The following ATP8B4 variants were observed in gnomAD, a reference collection of about 807,000 sequenced individuals.
ATP8B4 encodes the protein ATPase phospholipid transporting 8B4 (putative).
Under a neutral mutation model 145.6 loss-of-function variants are expected in ATP8B4, and 133 were observed. The ratio of observed to expected loss-of-function variants is 0.91; its 90% confidence interval spans 0.79 to 1.05. ATP8B4 has a LOEUF of 1.05. Among genes scored for constraint, ATP8B4 ranks in the 50% least tolerant of loss-of-function variants. The pLI is 0.00. For synonymous variants in ATP8B4, 507 were observed against 492.9 expected (o/e 1.03, Z -0.38); for missense variants, 1,458 against 1,425.2 (o/e 1.02, Z -0.37).
Position 49,866,202 on chromosome 15 carries a change from G to A in ATP8B4, c.3166+144C>T, listed in dbSNP as rs141650631. ...AGCTTTTAGAGCCACTTTTAAACTC[G>A]GAAGCCTTCAGATGCCTGGCTCAAA... On this transcript the variant is annotated intron_variant, in intron 26 of 27. Coordinates refer to ENST00000284509, the MANE Select transcript of ATP8B4 (RefSeq NM_024837.4). 299 of 1,169,778 alleles carry A rather than the reference G, an allele frequency of 2.6e-4. 1 individual carries two copies. In the African/African-American group the frequency reaches 2.8e-3, roughly 11 times the overall value. 72.5% of individuals were successfully genotyped at this position (1,169,778 alleles called of 1,614,324 possible). A position where few individuals can be genotyped will look rare whatever the true frequency, so the allele number is the denominator to read the frequency against.
chr15:49,863,939 T>G (rs1275873622), intron 26 of ATP8B4, among the ~76,000 whole-genome samples: 1 of 152,212 alleles, frequency 6.6e-6, no homozygotes, highest in East Asian at 1.9e-4. Context: ...CACAAATTAC[T>G]TTCTCCAGTT....
intron 9 of ATP8B4, 143 bp downstream of exon 9, chr15:49,996,534 G>A (rs528626393): frequency 1.3e-4 from 84 of 629,550 alleles, no homozygotes; most frequent in African/African-American, 8.7e-4. Flanking sequence ...TTTAGCGTGC[G>A]AAGAAATTAC....
intron 23 of ATP8B4, 179 bp from the exon 24 acceptor site, chr15:49,879,638 G>C: frequency 3.5e-6 from 2 of 574,072 alleles, no homozygotes; most frequent in Non-Finnish European, 6.2e-6. Context: ...TGGGATACTA[G>C]ATCTCTCTAA....
chr15:49,924,398 C>T (rs1194815165), intron 16 of ATP8B4, among the ~76,000 whole-genome samples: 1 of 152,174 alleles, frequency 6.6e-6, no homozygotes, highest in Non-Finnish European at 1.5e-5. Flanking sequence ...GTCACAACTT[C>T]ATAATCTGAA....
At chr15:50,048,149 G>C (rs1392308471) in intron 3 of ATP8B4, among the ~76,000 whole-genome samples, 1 of 152,142 alleles carries the variant, frequency 6.6e-6, no homozygotes, top group Non-Finnish European at 1.5e-5. Context: ...GAGCATGTTA[G>C]AGTGGGTGGA....
intron 7 of ATP8B4, among the ~76,000 whole-genome samples, chr15:50,004,670 G>T (rs1331613020): frequency 6.6e-6 from 1 of 152,188 alleles, no homozygotes; most frequent in Non-Finnish European, 1.5e-5. Context: ...TGTAACGCAG[G>T]TCTTATTGTT....
chr15:49,914,517 A>T (rs2153448955), intron 20 of ATP8B4, among the ~76,000 whole-genome samples: 1 of 152,252 alleles, frequency 6.6e-6, no homozygotes, highest in African/African-American at 2.4e-5. Flanking sequence ...AGCAAAGGAA[A>T]CAATCAACAG....
chr15:49,909,998 A>G (rs2039064002), intron 20 of ATP8B4, among the ~76,000 whole-genome samples: 1 of 152,188 alleles, frequency 6.6e-6, no homozygotes, highest in Non-Finnish European at 1.5e-5. Context: ...GATTCCAATG[A>G]ATAGGAAATT....
chr15:50,138,969 A>G (rs1262114697), intron 1 of ATP8B4, among the ~76,000 whole-genome samples: 1 of 152,228 alleles, frequency 6.6e-6, no homozygotes, highest in East Asian at 1.9e-4. Context: ...GGAAAAAACA[A>G]TGCTTTTACA....
At chr15:50,014,147 G>A (rs1005272820) in intron 6 of ATP8B4, among the ~76,000 whole-genome samples, 15 of 152,270 alleles carry the variant, frequency 9.9e-5, no homozygotes, top group African/African-American at 3.4e-4. Context: ...CTGAAAAGGG[G>A]ATTTCCTCAC....
chr15:50,121,208 T>C (rs1372617223), upstream of ATP8B4, among the ~76,000 whole-genome samples: 1 of 152,186 alleles, frequency 6.6e-6, no homozygotes, highest in East Asian at 1.9e-4. Context: ...GTTGAACTCC[T>C]GGTGTCCATA....
Position 49,920,315 on chromosome 15 carries a change from C to G in ATP8B4, c.1854G>C (p.Ala618=). The change falls in exon 18 of 28, where the codon GCG becomes GCC. Residue 618 remains alanine, a synonymous_variant. Transcript: ENST00000284509. ...CATCCCTCTCTTCTGTGGCAGCATTCGCATCTTCAAGCATCTTATGCCACT... is the reference window on the plus strand; with the variant it reads ...CATCCCTCTCTTCTGTGGCAGCATTGGCATCTTCAAGCATCTTATGCCACT... ...FKEWHKMLED[A]NAATEERDER... 1.2e-6 allele frequency: 2 copies of G among 1,614,166 alleles called. No homozygotes were observed. Among genetic ancestry groups the G allele is most frequent in the East Asian group, 2.2e-5 (1 of 44,884 alleles).
intron 14 of ATP8B4, among the ~76,000 whole-genome samples, chr15:49,944,489 A>G (rs1485370155): frequency 1.3e-5 from 2 of 152,180 alleles, no homozygotes; most frequent in African/African-American, 2.4e-5. Flanking sequence ...GACATTTCAT[A>G]AAAGGGTCAA....
chr15:49,987,619 C>A, intron 9 of ATP8B4, 70 bp from the exon 10 acceptor site: 1 of 1,481,370 alleles, frequency 6.8e-7, no homozygotes, highest in Non-Finnish European at 9.2e-7. Context: ...GCCCACAGCA[C>A]TGTTTTACCA....
intron 1 of ATP8B4, among the ~76,000 whole-genome samples, chr15:50,179,909 C>T (rs530207574): frequency 6.6e-6 from 1 of 152,180 alleles, no homozygotes; most frequent in Non-Finnish European, 1.5e-5. Context: ...CTATTAACCT[C>T]GTGATAAAGC....
At chr15:50,099,252 C>T (rs1165065316) in intron 2 of ATP8B4, among the ~76,000 whole-genome samples, 1 of 152,106 alleles carries the variant, frequency 6.6e-6, no homozygotes, top group Non-Finnish European at 1.5e-5. Context: ...TTCCTGATTG[C>T]GGAAAAGCAT....
chr15:50,072,439 T>G (rs865849578), intron 3 of ATP8B4, among the ~76,000 whole-genome samples: 1 of 152,178 alleles, frequency 6.6e-6, no homozygotes, highest in African/African-American at 2.4e-5. Context: ...AGGCCCATGA[T>G]GTAATTCATG....
upstream of ATP8B4, among the ~76,000 whole-genome samples, chr15:50,120,220 G>C (rs931521920): frequency 1.3e-5 from 2 of 151,992 alleles, no homozygotes; most frequent in African/African-American, 2.4e-5. Flanking sequence ...CTCACGCTGG[G>C]CCCTCAGGTT....
rs188300857 is a variant in ATP8B4, at chr15:50,092,593, T to C, written c.28+14346A>G. 5.3e-4 allele frequency among the ~76,000 whole-genome samples: 80 copies of C among 152,008 alleles called. 1 individual carries two copies. The South Asian group carries it at 0.014, about 26-fold the overall frequency. ...TATAATAAATTCAGAATTCAACATATGAACAGAAAATTAGAAACAGCAACA... is the reference window on the plus strand; with the variant it reads ...TATAATAAATTCAGAATTCAACATACGAACAGAAAATTAGAAACAGCAACA... On this transcript the variant is annotated intron_variant, in intron 2 of 27. Coordinates refer to ENST00000284509, the MANE Select transcript of ATP8B4 (RefSeq NM_024837.4).
Sources: gnomAD v4.1 joint callset for allele counts (sites outside exome capture counted in the v4.1 genomes callset) on GRCh38, gnomAD v4.1.1 for gene constraint, MANE v1.5 for transcripts, NCBI Gene and HGNC (gene_info 2026-07-23, HGNC 2026-07-21) for gene names.